TICRR: variants seen among roughly 807,000 people sequenced by gnomAD.
TICRR encodes treslin.
A neutral mutation model predicts 178.1 loss-of-function variants in TICRR; 132 were observed. The ratio of observed to expected loss-of-function variants is 0.74; its 90% CI spans 0.64 to 0.86. The LOEUF (loss-of-function observed/expected upper bound fraction) is 0.86. TICRR is among the 40% of genes least tolerant of loss of function. The pLI is 0.00. For synonymous variants in TICRR, 991 were observed against 900.7 expected (o/e 1.10, Z -1.79); for missense variants, 2,587 against 2,334.3 (o/e 1.11, Z -2.23).
chr15:89,609,550 C>G (rs1177279460), intron 15 of TICRR, among the ~76,000 whole-genome samples: 1 of 152,144 alleles, frequency 6.6e-6, no homozygotes, highest in African/African-American at 2.4e-5. Flanking sequence ...TCTTGGCTCA[C>G]TGCAACCTCT....
chr15:89,576,192 C>G lies in TICRR; in HGVS notation c.606C>G (p.Val202=). The change falls in exon 1 of 22, where the codon GTC becomes GTG. Residue 202 remains valine (V), a synonymous_variant. Transcript: ENST00000268138. ...LLPKRVREVM[V]ARKITFYWVD... is the part of the protein sequence containing the mutation. ...CCAAGAGAGTCCGGGAAGTCATGGT[C>G]GCCCGAAAAATCACCTTCTACTGGG... is the stretch of plus-strand genomic sequence containing the variant. 1 of 1,597,222 alleles carries G rather than the reference C, an allele frequency of 6.3e-7. No individual in the cohort carries two copies. The highest frequency in any genetic ancestry group is 1.1e-5 in the South Asian group (1 of 90,636).
At position 89,575,793 on chromosome 15, in the gene TICRR, G is replaced by A; in HGVS notation, c.207G>A (p.Gly69=). 2 of 1,606,738 alleles carry A rather than the reference G, an allele frequency of 1.2e-6. No individual in the cohort carries two copies. The highest frequency in any genetic ancestry group is 1.3e-5 in the African/African-American group (1 of 74,958). Residue 69 remains glycine, a synonymous_variant, in exon 1 of 22, where the codon GGG becomes GGA. Transcript: ENST00000268138. ...PSRVSDFREL[G]SRSWEDFEEE... is the part of the protein sequence containing the mutation. The stretch of plus-strand genomic sequence containing the variant: ...GCGTGTCTGACTTCCGCGAGCTGGG[G>A]TCCCGCTCGTGGGAGGACTTTGAGG...
chr15:89,619,910 A>C (rs546706968), intron 18 of TICRR, 68 bp downstream of exon 18: 81 of 1,532,700 alleles, frequency 5.3e-5, no homozygotes, highest in Middle Eastern at 5.3e-4. Context: ...TTGGGAAAAG[A>C]AGCAAGAAAT....
chr15:89,616,327 A>G lies in TICRR; in HGVS notation c.2870-78A>G, dbSNP rs998391318. 44 of 1,252,072 alleles carry G rather than the reference A, an allele frequency of 3.5e-5. 1 individual carries two copies. The highest frequency in any genetic ancestry group is 4.7e-5 in the Non-Finnish European group (41 of 864,072). The allele number at this position is 1,252,072 out of a possible 1,614,324, so 77.6% of individuals were successfully genotyped here. On this transcript the variant is annotated intron_variant, in intron 15 of 21. Transcript: ENST00000268138. The stretch of plus-strand genomic sequence containing the variant: ...AGGTAATAAGCCATACAGAAGTTCA[A>G]ACTGCTCCCTTGGCCTTACTGCTGC...
chr15:89,583,356 A>T (rs1338531386), intron 2 of TICRR, among the ~76,000 whole-genome samples: 3 of 152,210 alleles, frequency 2.0e-5, no homozygotes, highest in Non-Finnish European at 2.9e-5. Flanking sequence ...GTCTACAGAA[A>T]CCCAGAATGA....
At chr15:89,576,912 TTTA>T (rs1284990576) in intron 1 of TICRR, among the ~76,000 whole-genome samples, 2 of 148,988 alleles carry the variant, frequency 1.3e-5, no homozygotes, top group African/African-American at 4.9e-5. Context: ...TATATATTTA[TTTA>T]TTATTATTTT....
chr15:89,579,481 G>A (rs947151325), intron 1 of TICRR, among the ~76,000 whole-genome samples: 1 of 152,224 alleles, frequency 6.6e-6, no homozygotes, highest in East Asian at 1.9e-4. Flanking sequence ...GAGTAGCTGG[G>A]ATTACAGGCG....
At position 89,627,533 on chromosome 15, in the gene TICRR, T is replaced by C. The variant is rs554172794; in HGVS notation, c.*447T>C. On this transcript the variant is annotated 3_prime_UTR_variant, in exon 22 of 22. Transcript: ENST00000268138. ...AAGCCATATACGTGAAACTGAAGAG[T>C]GCATTGGGCAGTGGAAGCTATTTTT... The C allele has an allele frequency of 4.3e-5, 7 of 162,372 alleles. No individual in the cohort carries two copies. The highest frequency in any genetic ancestry group is 1.4e-4 in the African/African-American group (6 of 41,814). 10.1% of individuals were successfully genotyped at this position (162,372 alleles called of 1,614,324 possible).
rs766566820 is a variant in TICRR, at chr15:89,624,046, G to T, written c.3736G>T (p.Asp1246Tyr). The T allele has an allele frequency of 2.5e-6, 4 of 1,613,642 alleles. No homozygotes were observed. Among genetic ancestry groups the T allele is most frequent in the East Asian group, 4.5e-5 (2 of 44,846 alleles). Residue 1246 changes from aspartate to tyrosine, a missense_variant, in exon 20 of 22, where the codon GAC (aspartate) becomes TAC (tyrosine). Physicochemically the swap from Asp to Tyr is radical, Grantham distance 160. Coordinates refer to ENST00000268138, the MANE Select transcript of TICRR (RefSeq NM_152259.4). ...GAGAGAGTGTCTCACTCCCATCAGA[G>T]ACCCTCTCAGAACACCTCCGAGAGC... Reference protein sequence around the residue: ...PRRECLTPIRDPLRTPPRAAA... With the variant: ...PRRECLTPIRYPLRTPPRAAA...
intron 15 of TICRR, 42 bp downstream of exon 15, chr15:89,608,991 T>A: frequency 6.5e-7 from 1 of 1,539,698 alleles, no homozygotes; most frequent in Non-Finnish European, 8.7e-7. Flanking sequence ...AAAGGGAGAT[T>A]CTGTAAGATT....
In TICRR at chr15:89,610,868, G is replaced by C. The variant is rs1596053162; in HGVS notation, c.2869+1919G>C. On this transcript the variant is annotated intron_variant, in intron 15 of 21. Transcript: ENST00000268138. ...CTCAGTGGTTACCTTGGTTAACCCA[G>C]CTACTGGTTACCTCAGTTAGCATCT... 5.3e-5 allele frequency among the ~76,000 whole-genome samples: 8 copies of C among 151,564 alleles called. 1 individual carries two copies. The East Asian group carries it at 1.5e-3, about 29-fold the overall frequency.
At chr15:89,612,976 A>G (rs1339526886) in intron 15 of TICRR, among the ~76,000 whole-genome samples, 3 of 152,206 alleles carry the variant, frequency 2.0e-5, no homozygotes, top group East Asian at 3.8e-4. Context: ...AACAGTTACA[A>G]ATAAAAAACA....
Position 89,576,185 on chromosome 15 carries a change from T to C in TICRR, c.599T>C (p.Val200Ala). 2 of 1,599,670 alleles carry C rather than the reference T, an allele frequency of 1.3e-6. No homozygotes were observed. The highest frequency in any genetic ancestry group is 1.7e-6 in the Non-Finnish European group (2 of 1,178,854). Residue 200 changes from valine to alanine, a missense_variant, in exon 1 of 22, where the codon GTC becomes GCC. Val to Ala is a moderately conservative substitution (Grantham distance 64, BLOSUM62 0). Transcript: ENST00000268138. ...EKLLPKRVREVMVARKITFYW... is the reference protein window; with the variant it reads ...EKLLPKRVREAMVARKITFYW... ...TTGTTGCCCAAGAGAGTCCGGGAAG[T>C]CATGGTCGCCCGAAAAATCACCTTC...
intron 17 of TICRR, among the ~76,000 whole-genome samples, chr15:89,619,196 C>G (rs1008944441): frequency 1.4e-5 from 2 of 146,248 alleles, no homozygotes; most frequent in Non-Finnish European, 3.0e-5. Flanking sequence ...AACATAAATA[C>G]TTGTTTTCGC....
chr15:89,601,396 G>A lies in TICRR; in HGVS notation c.2247+5G>A. 1 of 1,613,978 alleles carries A rather than the reference G, an allele frequency of 6.2e-7. No homozygotes were observed. Among genetic ancestry groups the A allele is most frequent in the Non-Finnish European group, 8.5e-7 (1 of 1,179,868 alleles). ...ATGGAACAAGTAGTGGAGGAGGCAA[G>A]TATATAGTTTCGTGCCATTGAAATA... On this transcript the variant is annotated splice_donor_5th_base_variant and intron_variant, in intron 10 of 21. Coordinates refer to ENST00000268138, the MANE Select transcript of TICRR (RefSeq NM_152259.4).
chr15:89,589,994 A>G (rs1425035591), intron 4 of TICRR, among the ~76,000 whole-genome samples: 1 of 152,200 alleles, frequency 6.6e-6, no homozygotes, highest in Non-Finnish European at 1.5e-5. Flanking sequence ...AGTTTGATTA[A>G]AAGACACATT....
intron 4 of TICRR, among the ~76,000 whole-genome samples, chr15:89,588,985 A>G (rs1962866573): frequency 6.6e-6 from 1 of 152,106 alleles, no homozygotes; most frequent in African/African-American, 2.4e-5. Context: ...GAAAAAGAGC[A>G]TGGCGGGGGA....
In TICRR at chr15:89,575,580, G is replaced by C. The variant is rs1962594476; in HGVS notation, c.-7G>C. ...GACCGGGGCCCCGGGGCGGCGGCAC[G>C]GCCGATATGGCATGCTGTCACAAAG... On this transcript the variant is annotated 5_prime_UTR_variant, in exon 1 of 22. Coordinates refer to ENST00000268138, the MANE Select transcript of TICRR (RefSeq NM_152259.4). The C allele has an allele frequency of 9.6e-6, 14 of 1,459,942 alleles. No homozygotes were observed. The highest frequency in any genetic ancestry group is 1.2e-5 in the Non-Finnish European group (13 of 1,113,866). 90.4% of individuals were successfully genotyped at this position (1,459,942 alleles called of 1,614,324 possible).
intron 15 of TICRR, among the ~76,000 whole-genome samples, chr15:89,616,016 C>G (rs1484360523): frequency 6.6e-6 from 1 of 151,988 alleles, no homozygotes; most frequent in Non-Finnish European, 1.5e-5. Context: ...TCCCAAGTAG[C>G]TGGGCTTACA....
Sources: allele counts gnomAD v4.1 joint callset (sites outside exome capture counted in the v4.1 genomes callset), GRCh38; gene constraint gnomAD v4.1.1; transcripts MANE v1.5; gene names NCBI Gene and HGNC (gene_info 2026-07-23, HGNC 2026-07-21).